SEL1L3: variants seen among roughly 807,000 people sequenced by gnomAD.
The protein encoded by SEL1L3 is SEL1L family member 3, also known as protein sel-1 homolog 3.
A neutral mutation model predicts 142.8 loss-of-function variants in SEL1L3; 76 were observed. The ratio of observed to expected loss-of-function variants is 0.53; its 90% CI spans 0.44 to 0.64. The LOEUF is 0.64. Ranked by LOEUF, SEL1L3 falls within the 30% of genes least tolerant of loss-of-function variation. The pLI, the probability that SEL1L3 is intolerant of heterozygous loss-of-function variation, is 0.00. For missense variants in SEL1L3, 1,262 were observed against 1,381.7 expected, an observed-to-expected ratio of 0.91 and a Z score of 1.37; for synonymous variants, 504 against 519.6, an observed-to-expected ratio of 0.97 and a Z score of 0.41.
At chr4:25,782,439 G>T in intron 14 of SEL1L3, 21 bp from the exon 15 acceptor site, 3 of 1,604,808 alleles carry the variant, frequency 1.9e-6, no homozygotes, top group South Asian at 2.2e-5. Context: ...GAACAAGAAA[G>T]AAATTAACTT....
At chr4:25,774,772 C>T (rs557743637) in intron 17 of SEL1L3, among the ~76,000 whole-genome samples, 2 of 152,180 alleles carry the variant, frequency 1.3e-5, no homozygotes, top group Non-Finnish European at 1.5e-5. Context: ...TTGAACCCGG[C>T]AGGCGGAGGC....
intron 2 of SEL1L3, among the ~76,000 whole-genome samples, chr4:25,840,288 GA>G (rs569979415): frequency 2.0e-5 from 3 of 151,698 alleles, no homozygotes; most frequent in Admixed American, 1.3e-4. Flanking sequence ...TGATTAACTG[GA>G]AAAAAAGGAA....
intron 2 of SEL1L3, 41 bp from the exon 3 acceptor site, chr4:25,835,364 A>G (rs1260661395): frequency 1.2e-6 from 2 of 1,606,390 alleles, no homozygotes; most frequent in African/African-American, 1.3e-5. Flanking sequence ...TATATCCAGA[A>G]AAACATTCCT....
At position 25,758,994 on chromosome 4, in the gene SEL1L3, A is replaced by C; in HGVS notation, c.3030T>G (p.Ile1010Met). The C allele has an allele frequency of 1.9e-6, 3 of 1,613,822 alleles. No individual in the cohort carries two copies. The highest frequency in any genetic ancestry group is 2.5e-6 in the Non-Finnish European group (3 of 1,179,776). The change falls in exon 21 of 24, where the codon ATT becomes ATG. Residue 1010 changes from isoleucine (I) to methionine (M), a missense_variant. Transcript: ENST00000399878. ...TGTTATTAGAATGGAGAGTTGAGTC[A>C]ATTTCCAAGAAATCCAAGATATGGT... ...IPHHILDFLE[I>M]DSTLHSNNIS...
In SEL1L3 at chr4:25,822,015, C is replaced by CGAA; in HGVS notation, c.1268_1270dup (p.Leu423dup). The CGAA allele has an allele frequency of 6.2e-7, 1 of 1,613,680 alleles. No individual in the cohort carries two copies. Among genetic ancestry groups the CGAA allele is most frequent in the Non-Finnish European group, 8.5e-7 (1 of 1,179,812 alleles). On this transcript the variant is annotated inframe_insertion, in exon 7 of 24. Coordinates refer to ENST00000399878, the MANE Select transcript of SEL1L3 (RefSeq NM_015187.5). ...ACTCACCTGGGCGGGGTGCAGACTGCGAAGGCGATAGTACTTCAGGGGTCC... is the reference window on the plus strand; with the variant it reads ...ACTCACCTGGGCGGGGTGCAGACTGCGAAGAAGGCGATAGTACTTCAGGGGTCC...
intron 9 of SEL1L3, among the ~76,000 whole-genome samples, chr4:25,807,171 T>C (rs1024263644): frequency 2.0e-5 from 3 of 152,222 alleles, no homozygotes; most frequent in Non-Finnish European, 4.4e-5. Flanking sequence ...GCTTCAATAG[T>C]ATTGCATTCC....
intron 11 of SEL1L3, among the ~76,000 whole-genome samples, chr4:25,792,755 C>T (rs955806460): frequency 1.3e-5 from 2 of 152,190 alleles, no homozygotes; most frequent in Non-Finnish European, 2.9e-5. Context: ...AATTGAGTCT[C>T]AGATAAAGTA....
chr4:25,820,840 G>C (rs977741867), intron 7 of SEL1L3, among the ~76,000 whole-genome samples: 1 of 151,854 alleles, frequency 6.6e-6, no homozygotes, highest in Non-Finnish European at 1.5e-5. Flanking sequence ...CAGTGCAGTC[G>C]CACAATCTTG....
the SEL1L3 span, among the ~76,000 whole-genome samples, chr4:25,721,640 A>G: frequency 6.6e-6 from 1 of 152,330 alleles, no homozygotes; most frequent in Non-Finnish European, 1.5e-5. Context: ...CAAGATGACA[A>G]AAGTACATAA....
chr4:25,811,385 G>C lies in SEL1L3; in HGVS notation c.1565-6633C>G, dbSNP rs182834327. Among the ~76,000 whole-genome samples the C allele has an allele frequency of 1.8e-3, 269 of 152,346 alleles. 3 individuals carry two copies. The highest frequency in any genetic ancestry group is 5.7e-4 in the Non-Finnish European group (39 of 68,036). On this transcript the variant is annotated intron_variant, in intron 9 of 23. Transcript: ENST00000399878. ...TTTTACAGAAGTGTCTACCGAGAAAGAGCAGCCGCTCCTCAGAGGAAACAG... is the reference window on the plus strand; with the variant it reads ...TTTTACAGAAGTGTCTACCGAGAAACAGCAGCCGCTCCTCAGAGGAAACAG...
At chr4:25,729,910 T>TTTC in the SEL1L3 span, among the ~76,000 whole-genome samples, 1 of 151,242 alleles carries the variant, frequency 6.6e-6, no homozygotes, top group East Asian at 1.9e-4. Flanking sequence ...AGTTGACATC[T>TTTC]TTCTTCTTCT....
chr4:25,854,780 C>CTT (rs1265560422), intron 1 of SEL1L3, among the ~76,000 whole-genome samples: 1 of 152,144 alleles, frequency 6.6e-6, no homozygotes, highest in East Asian at 1.9e-4. Context: ...GCTATTGTTT[C>CTT]TTTCAGAAAA....
intron 19 of SEL1L3, among the ~76,000 whole-genome samples, chr4:25,766,222 G>A (rs751063555): frequency 3.9e-5 from 6 of 152,020 alleles, no homozygotes; most frequent in Non-Finnish European, 7.4e-5. Flanking sequence ...GCAGATCACT[G>A]CAGGTCAGGA....
chr4:25,840,471 G>C (rs1346830992), intron 2 of SEL1L3, among the ~76,000 whole-genome samples: 2 of 151,956 alleles, frequency 1.3e-5, no homozygotes, highest in Non-Finnish European at 2.9e-5. Context: ...ATGAAATTTT[G>C]TTATAAAAAA....
the SEL1L3 span, chr4:25,718,602 C>A: frequency 0.32 from 48,677 of 151,890 alleles, 8,117 homozygotes; most frequent in Middle Eastern, 0.45. Flanking sequence ...ACGTGATTTT[C>A]GATCAGTTTA....
chr4:25,858,842 C>T (rs1717464941), intron 1 of SEL1L3, among the ~76,000 whole-genome samples: 1 of 152,112 alleles, frequency 6.6e-6, no homozygotes, highest in Admixed American at 6.6e-5. Context: ...CTTCGGCCTC[C>T]CAAAGTGCTG....
Position 25,862,936 on chromosome 4 carries a change from C to T in SEL1L3, c.-100G>A. 5.7e-6 allele frequency: 5 copies of T among 873,416 alleles called. No homozygotes were observed. Among genetic ancestry groups the T allele is most frequent in the Non-Finnish European group, 6.8e-6 (5 of 730,442 alleles). The allele number at this position is 873,416 out of a possible 1,614,324, so 54.1% of individuals were successfully genotyped here. Reference sequence around the variant, plus strand: ...CCCGCCCGCCCCCGGCCGGGCCGGCCGCCGCGCGCGGGGCCACCTGCCGCC... The same window carrying T: ...CCCGCCCGCCCCCGGCCGGGCCGGCTGCCGCGCGCGGGGCCACCTGCCGCC... On this transcript the variant is annotated 5_prime_UTR_variant, in exon 1 of 24. Transcript: ENST00000399878.
chr4:25,727,130 G>A, the SEL1L3 span, among the ~76,000 whole-genome samples: 1 of 151,704 alleles, frequency 6.6e-6, no homozygotes, highest in East Asian at 1.9e-4. Flanking sequence ...TCGGTTCACT[G>A]CAACCTCCGC....
the SEL1L3 span, among the ~76,000 whole-genome samples, chr4:25,732,754 G>A: frequency 6.6e-6 from 1 of 151,840 alleles, no homozygotes; most frequent in Non-Finnish European, 1.5e-5. Context: ...GTGGTGGGGA[G>A]TCGGACAGAG....
Sources: allele counts gnomAD v4.1 joint callset (sites outside exome capture counted in the v4.1 genomes callset), GRCh38; gene constraint gnomAD v4.1.1; transcripts MANE v1.5; gene names NCBI Gene and HGNC (gene_info 2026-07-23, HGNC 2026-07-21).